SNAPC3: variants seen among roughly 807,000 people sequenced by gnomAD.
SNAPC3 encodes the protein snRNA-activating protein complex subunit 3.
SNAPC3 carries 56 observed loss-of-function variants against 47.7 expected under a neutral mutation model. That is an observed-to-expected ratio of 1.18 (90% CI 0.95 to 1.47). The LOEUF (loss-of-function observed/expected upper bound fraction) is 1.47. Among genes scored for constraint, SNAPC3 ranks in the 40% most tolerant of loss-of-function variants. The pLI is 0.00. For synonymous variants in SNAPC3, 235 were observed against 189.9 expected, an observed-to-expected ratio of 1.24 and a Z score of -1.95; for missense variants, 665 against 511.3, an observed-to-expected ratio of 1.30 and a Z score of -2.90.
At chr9:15,452,538 G>A (rs983633355) in intron 6 of SNAPC3, among the ~76,000 whole-genome samples, 9 of 151,856 alleles carry the variant, frequency 5.9e-5, no homozygotes, top group Non-Finnish European at 1.2e-4. Context: ...GGCTGGAGTC[G>A]AACTCTGGAC....
chr9:15,430,566 A>C (rs962453711), intron 2 of SNAPC3, among the ~76,000 whole-genome samples: 1 of 152,216 alleles, frequency 6.6e-6, no homozygotes, highest in Non-Finnish European at 1.5e-5. Flanking sequence ...TTGTCCGAGC[A>C]ATCCCATTTC....
chr9:15,423,274 C>A lies in SNAPC3; in HGVS notation c.314+81C>A, dbSNP rs965698733. On this transcript the variant is annotated intron_variant, in intron 1 of 8. Coordinates refer to ENST00000380821, the MANE Select transcript of SNAPC3 (RefSeq NM_001039697.2). ...GCTCGTGCGCTCCTCTGGGACTCAT[C>A]CCTGAGAAGGGCCTGTGGTTTAGAC... The A allele has an allele frequency of 1.2e-5, 16 of 1,358,886 alleles. No individual in the cohort carries two copies. The African/African-American group carries it at 1.8e-4, about 16-fold the overall frequency. 84.2% of individuals were successfully genotyped at this position (1,358,886 alleles called of 1,614,324 possible). A position where few individuals can be genotyped will look rare whatever the true frequency, so the allele number is the denominator to read the frequency against.
chr9:15,458,907 A>C (rs1050324321), intron 8 of SNAPC3, among the ~76,000 whole-genome samples: 1 of 152,226 alleles, frequency 6.6e-6, no homozygotes, highest in African/African-American at 2.4e-5. Context: ...TTGGATTTCA[A>C]ATTCTCAGTG....
At chr9:15,462,370 G>C (rs905004246), downstream of SNAPC3, 1 of 152,174 alleles carries the variant, frequency 6.6e-6, no homozygotes, top group Non-Finnish European at 1.5e-5. Flanking sequence ...CGTGTGTTAT[G>C]TATCAGTTAT....
chr9:15,451,012 C>T (rs1297775892), intron 5 of SNAPC3, among the ~76,000 whole-genome samples: 1 of 152,130 alleles, frequency 6.6e-6, no homozygotes, highest in African/African-American at 2.4e-5. Flanking sequence ...ACTGGGGAAA[C>T]ATTAAAGATA....
chr9:15,441,829 A>G (rs889425375), intron 3 of SNAPC3, among the ~76,000 whole-genome samples: 16 of 151,956 alleles, frequency 1.1e-4, no homozygotes, highest in African/African-American at 3.6e-4. Flanking sequence ...TGATTTCTCT[A>G]TCTTTTCCCC....
chr9:15,424,684 C>T lies in SNAPC3; in HGVS notation c.392+698C>T, dbSNP rs79382174. 6.3e-3 allele frequency among the ~76,000 whole-genome samples: 961 copies of T among 152,328 alleles called. 11 individuals are homozygous for T. The highest frequency in any genetic ancestry group is 0.027 in the Middle Eastern group (8 of 294). On this transcript the variant is annotated intron_variant, in intron 2 of 8. Transcript: ENST00000380821. ...TAGATGAATTCTGGTCTGCCTACCA[C>T]TCTTTGAGAGGCACTGTTGTATGAT...
At chr9:15,456,252 C>G (rs989723437) in intron 7 of SNAPC3, among the ~76,000 whole-genome samples, 1 of 152,112 alleles carries the variant, frequency 6.6e-6, no homozygotes, top group African/African-American at 2.4e-5. Context: ...TCAGGTGATC[C>G]GCCCATGTCG....
chr9:15,460,421 G>C lies in SNAPC3; in HGVS notation c.*555G>C, dbSNP rs77860595. On this transcript the variant is annotated 3_prime_UTR_variant, in exon 9 of 9. Coordinates refer to ENST00000380821, the MANE Select transcript of SNAPC3 (RefSeq NM_001039697.2). ...TATTTATTTTTTGAGACAAAATCTCGCTCTTGTTGCCCAGGCTGGAATACA... is the reference window on the plus strand; with the variant it reads ...TATTTATTTTTTGAGACAAAATCTCCCTCTTGTTGCCCAGGCTGGAATACA... 6.6e-6 allele frequency: 1 copy of C among 152,254 alleles called. No homozygotes were observed. The highest frequency in any genetic ancestry group is 1.9e-4 in the East Asian group (1 of 5,178). 9.4% of individuals were successfully genotyped at this position (152,254 alleles called of 1,614,324 possible).
At position 15,459,727 on chromosome 9, in the gene SNAPC3, C is replaced by T. The variant is rs775487293; in HGVS notation, c.1097C>T (p.Thr366Met). The T allele has an allele frequency of 9.9e-6, 16 of 1,611,570 alleles. No individual in the cohort carries two copies. The highest frequency in any genetic ancestry group is 6.6e-5 in the South Asian group (6 of 90,462). ...TTTTTTAAAAACTACAGATGGGTGA[C>T]GAACAATGACAGTTTTGCACCAGAG... is the stretch of plus-strand genomic sequence containing the variant. ...VCKMYTARWV[T>M]NNDSFAPEDP... The change falls in exon 9 of 9, where the codon ACG becomes ATG. Residue 366 changes from threonine to methionine, a missense_variant. Physicochemically the swap from Thr to Met is moderately conservative, Grantham distance 81. Transcript: ENST00000380821.
At chr9:15,466,511 T>C (rs1205786675), downstream of SNAPC3, among the ~76,000 whole-genome samples, 1 of 152,230 alleles carries the variant, frequency 6.6e-6, no homozygotes, top group Non-Finnish European at 1.5e-5. Flanking sequence ...GGAGCAAATA[T>C]TTTCTTTTTA....
At chr9:15,438,963 G>A (rs186493254) in intron 3 of SNAPC3, among the ~76,000 whole-genome samples, 1 of 152,188 alleles carries the variant, frequency 6.6e-6, no homozygotes, top group African/African-American at 2.4e-5. Context: ...TATTACCATA[G>A]AACTGTCTAT....
At chr9:15,451,257 C>G in intron 5 of SNAPC3, 63 bp from the exon 6 acceptor site, 2 of 644,158 alleles carry the variant, frequency 3.1e-6, no homozygotes, top group South Asian at 2.6e-5. Flanking sequence ...TGAATTAATA[C>G]TTAGAGCAAT....
intron 2 of SNAPC3, among the ~76,000 whole-genome samples, chr9:15,432,327 C>T (rs571585537): frequency 1.3e-5 from 2 of 152,200 alleles, no homozygotes; most frequent in Admixed American, 6.5e-5. Context: ...ACATATATTT[C>T]CTGCCTATCT....
chr9:15,452,177 G>C lies in SNAPC3; in HGVS notation c.815+775G>C, dbSNP rs182942107. On this transcript the variant is annotated intron_variant, in intron 6 of 8. Transcript: ENST00000380821. ...AGGGTTTCAACATGTTGGCCAGGCTGGTCTTGAACTCCTGGCCTCAAGTAA... is the reference window on the plus strand; with the variant it reads ...AGGGTTTCAACATGTTGGCCAGGCTCGTCTTGAACTCCTGGCCTCAAGTAA... Among the ~76,000 whole-genome samples the C allele has an allele frequency of 1.4e-3, 208 of 152,124 alleles. 2 individuals carry two copies. The highest frequency in any genetic ancestry group is 2.6e-3 in the Non-Finnish European group (175 of 67,992).
At position 15,450,796 on chromosome 9, in the gene SNAPC3, C is replaced by G. The variant is rs115553088; in HGVS notation, c.733-524C>G. Among the ~76,000 whole-genome samples the G allele has an allele frequency of 4.4e-3, 670 of 152,242 alleles. 3 individuals are homozygous for G. The highest frequency in any genetic ancestry group is 0.016 in the African/African-American group (645 of 41,530). On this transcript the variant is annotated intron_variant, in intron 5 of 8. Coordinates refer to ENST00000380821, the MANE Select transcript of SNAPC3 (RefSeq NM_001039697.2). ...TTGAGAGCCACTCCTTTGACGGACA[C>G]TGTGGTAGAATGAGTTAAGAACCCT... is the stretch of plus-strand genomic sequence containing the variant.
chr9:15,431,998 C>T (rs2032224446), intron 2 of SNAPC3: 1 of 148,042 alleles, frequency 6.8e-6, no homozygotes, highest in Non-Finnish European at 1.5e-5. Flanking sequence ...AAAATGCTAC[C>T]AAAAGCGTAT....
Position 15,447,317 on chromosome 9 carries a change from A to C in SNAPC3, c.732+73A>C. ...AAATAGCGATTACTCTAGCTGGTTCATAAATGTCCCAGTAAATCCTTTTCT... is the reference window on the plus strand; with the variant it reads ...AAATAGCGATTACTCTAGCTGGTTCCTAAATGTCCCAGTAAATCCTTTTCT... On this transcript the variant is annotated intron_variant, in intron 5 of 8. Transcript: ENST00000380821. 3 of 1,334,172 alleles carry C rather than the reference A, an allele frequency of 2.2e-6. 1 individual carries two copies. The highest frequency in any genetic ancestry group is 1.1e-6 in the Non-Finnish European group (1 of 930,310). The allele number at this position is 1,334,172 out of a possible 1,614,324, so 82.6% of individuals were successfully genotyped here. A position where few individuals can be genotyped will look rare whatever the true frequency, so the allele number is the denominator to read the frequency against.
In SNAPC3 at chr9:15,459,842, T is replaced by G; in HGVS notation, c.1212T>G (p.Tyr404Ter). 6.2e-7 allele frequency: 1 copy of G among 1,613,680 alleles called. No individual in the cohort carries two copies. Among genetic ancestry groups the G allele is most frequent in the Non-Finnish European group, 8.5e-7 (1 of 1,179,780 alleles). The change falls in exon 9 of 9, where the codon TAT (tyrosine) becomes TAG (stop). Residue 404 changes from tyrosine (Y) to a stop codon, truncating the protein, a stop_gained. Transcript: ENST00000380821. LOFTEE classifies it high-confidence loss of function. ...NKLGEFLAYPYVDPGTFN is the reference protein window; with the variant it reads ...NKLGEFLAYP Reference sequence around the variant, plus strand: ...TGGGGGAATTCCTTGCTTATCCTTATGTTGATCCTGGAACCTTTAATTAAG... The same window carrying G: ...TGGGGGAATTCCTTGCTTATCCTTAGGTTGATCCTGGAACCTTTAATTAAG...
Sources: gnomAD v4.1 joint callset for allele counts (sites outside exome capture counted in the v4.1 genomes callset) on GRCh38, gnomAD v4.1.1 for gene constraint, MANE v1.5 for transcripts, NCBI Gene and HGNC (gene_info 2026-07-23, HGNC 2026-07-21) for gene names.